RHOBTB1: variants seen among roughly 807,000 people sequenced by gnomAD.
RHOBTB1 encodes rho-related BTB domain-containing protein 1.
Under a neutral mutation model 71.6 loss-of-function variants are expected in RHOBTB1, and 40 were observed. That is an observed-to-expected ratio of 0.56 (90% CI 0.43 to 0.73). The LOEUF is 0.73. RHOBTB1 is among the 30% of genes least tolerant of loss of function. RHOBTB1 has a pLI of 0.00. For missense variants in RHOBTB1, 797 were observed against 894.0 expected, an observed-to-expected ratio of 0.89 and a Z score of 1.38; for synonymous variants, 319 against 334.9, an observed-to-expected ratio of 0.95 and a Z score of 0.52.
At chr10:60,940,374 G>A (rs2084837827) in intron 2 of RHOBTB1, among the ~76,000 whole-genome samples, 2 of 152,136 alleles carry the variant, frequency 1.3e-5, no homozygotes, top group Admixed American at 1.3e-4. Flanking sequence ...GGGAAGTAGG[G>A]GAACAGAAGA....
intron 2 of RHOBTB1, among the ~76,000 whole-genome samples, chr10:60,976,680 T>A (rs2086327430): frequency 6.6e-6 from 1 of 152,050 alleles, no homozygotes; most frequent in Non-Finnish European, 1.5e-5. Context: ...TACCTCATAA[T>A]ATGTTGTCTT....
chr10:60,898,598 C>A (rs2082268215), intron 4 of RHOBTB1, among the ~76,000 whole-genome samples: 1 of 152,106 alleles, frequency 6.6e-6, no homozygotes, highest in Non-Finnish European at 1.5e-5. Context: ...GAGCGCCTGG[C>A]AGGGGATCTG....
chr10:60,993,108 A>G (rs1408199509), intron 1 of RHOBTB1, among the ~76,000 whole-genome samples: 1 of 152,058 alleles, frequency 6.6e-6, no homozygotes, highest in East Asian at 1.9e-4. Context: ...GATGGAGGGG[A>G]CGTGTCTCTC....
chr10:60,972,219 A>T (rs1180598100), intron 2 of RHOBTB1, among the ~76,000 whole-genome samples: 1 of 151,962 alleles, frequency 6.6e-6, no homozygotes, highest in African/African-American at 2.4e-5. Context: ...AAACCATTCT[A>T]CTATAGACAC....
At chr10:60,874,836 G>C in intron 9 of RHOBTB1, 118 bp downstream of exon 9, 1 of 724,502 alleles carries the variant, frequency 1.4e-6, no homozygotes, top group Non-Finnish European at 2.4e-6. Flanking sequence ...TACACAGGGG[G>C]ACTCTGTGAC....
At chr10:60,966,927 C>T (rs182151115) in intron 2 of RHOBTB1, among the ~76,000 whole-genome samples, 159 of 151,430 alleles carry the variant, frequency 1.0e-3, no homozygotes, top group African/African-American at 3.5e-3. Flanking sequence ...AGCAGCACTG[C>T]GCCAGGCACT....
chr10:60,911,276 T>C, intron 3 of RHOBTB1, 75 bp downstream of exon 3: 1 of 1,393,196 alleles, frequency 7.2e-7, no homozygotes. Context: ...TCCACGCTCC[T>C]CCTTTAGAAA....
rs2082191141 is a variant in RHOBTB1, at chr10:60,897,000, A to AG, written c.297-4006dup. Among the ~76,000 whole-genome samples the AG allele has an allele frequency of 4.6e-5, 7 of 152,200 alleles. No individual in the cohort carries two copies. The South Asian group carries it at 1.5e-3, about 32-fold the overall frequency. ...AGCATTTTTTTTCAGTTATCTTTCG[A>AG]GGGGAACACTGGCCAAAGATAGCAT... is the stretch of plus-strand genomic sequence containing the variant. On this transcript the variant is annotated intron_variant, in intron 4 of 10. Transcript: ENST00000337910.
At chr10:61,000,513 C>T (rs2087224082) in intron 1 of RHOBTB1, among the ~76,000 whole-genome samples, 1 of 152,174 alleles carries the variant, frequency 6.6e-6, no homozygotes, top group African/African-American at 2.4e-5. Flanking sequence ...TTCTCTAAAA[C>T]TATACGGTAA....
At chr10:60,970,354 A>G (rs2086111727) in intron 2 of RHOBTB1, among the ~76,000 whole-genome samples, 1 of 152,100 alleles carries the variant, frequency 6.6e-6, no homozygotes, top group South Asian at 2.1e-4. Flanking sequence ...TCAGGTATAT[A>G]AACTCACTAT....
chr10:60,944,419 TG>T (rs2085122585), upstream of RHOBTB1, among the ~76,000 whole-genome samples: 1 of 152,070 alleles, frequency 6.6e-6, no homozygotes, highest in South Asian at 2.1e-4. Flanking sequence ...GGGACACGGG[TG>T]GCAAAGGTTC....
At chr10:60,974,820 T>C (rs1243402114) in intron 2 of RHOBTB1, among the ~76,000 whole-genome samples, 1 of 152,100 alleles carries the variant, frequency 6.6e-6, no homozygotes, top group East Asian at 1.9e-4. Context: ...CTGAGGATAG[T>C]GGTAAACTGA....
At chr10:60,932,209 A>G (rs112848712) in intron 2 of RHOBTB1, among the ~76,000 whole-genome samples, 2 of 152,272 alleles carry the variant, frequency 1.3e-5, no homozygotes, top group African/African-American at 4.8e-5. Context: ...ACGTCTACAC[A>G]TTTTCAGTGA....
chr10:61,000,733 C>A (rs986786621), intron 1 of RHOBTB1, among the ~76,000 whole-genome samples: 1 of 152,032 alleles, frequency 6.6e-6, no homozygotes, highest in African/African-American at 2.4e-5. Flanking sequence ...AATACCAGTT[C>A]AAACTTTGTA....
rs965949764 is a variant in RHOBTB1, at chr10:60,870,158, T to C, written c.*1324A>G. On this transcript the variant is annotated 3_prime_UTR_variant, in exon 11 of 11. Coordinates refer to ENST00000337910, the MANE Select transcript of RHOBTB1 (RefSeq NM_014836.5). ...TCTCTGTGTGTGTATGTGTGTGCTG[T>C]AACATTTTAATTTACAGAGAAGCAA... is the stretch of plus-strand genomic sequence containing the variant. 2.0e-5 allele frequency: 3 copies of C among 152,574 alleles called. No individual in the cohort carries two copies. The highest frequency in any genetic ancestry group is 4.4e-5 in the Non-Finnish European group (3 of 68,036). 9.5% of individuals were successfully genotyped at this position (152,574 alleles called of 1,614,324 possible).
chr10:60,981,225 GAGA>G (rs2086485132), intron 2 of RHOBTB1, among the ~76,000 whole-genome samples: 1 of 152,158 alleles, frequency 6.6e-6, no homozygotes, highest in Admixed American at 6.5e-5. Flanking sequence ...ACAATGAGAA[GAGA>G]AGGCTATAAT....
intron 2 of RHOBTB1, among the ~76,000 whole-genome samples, chr10:60,977,097 A>G (rs2086341573): frequency 6.6e-6 from 1 of 152,092 alleles, no homozygotes; most frequent in African/African-American, 2.4e-5. Context: ...TTTCTAATTA[A>G]ACAAATTCTG....
At position 60,872,267 on chromosome 10, in the gene RHOBTB1, G is replaced by A. The variant is rs2080829715; in HGVS notation, c.1839C>T (p.Ala613=). 2.5e-6 allele frequency: 4 copies of A among 1,613,998 alleles called. No individual in the cohort carries two copies. The highest frequency in any genetic ancestry group is 3.4e-6 in the Non-Finnish European group (4 of 1,179,912). Residue 613 remains alanine, a synonymous_variant, in exon 10 of 11, where the codon GCC becomes GCT. Coordinates refer to ENST00000337910, the MANE Select transcript of RHOBTB1 (RefSeq NM_014836.5). ...TGCAGATGTGGTGCAAACACCAGGC[G>A]GCCAACTGGTGGGCATTGTGAAACT... ...LAQFHNAHQL[A]AWCLHHICTN...
chr10:60,961,889 A>G (rs1589424147), intron 2 of RHOBTB1, among the ~76,000 whole-genome samples: 1 of 149,928 alleles, frequency 6.7e-6, no homozygotes, highest in South Asian at 2.1e-4. Flanking sequence ...GCTCACTGCA[A>G]CCTCCGCTCC....
Sources: gnomAD v4.1 joint callset for allele counts (sites outside exome capture counted in the v4.1 genomes callset) on GRCh38, gnomAD v4.1.1 for gene constraint, MANE v1.5 for transcripts, NCBI Gene and HGNC (gene_info 2026-07-23, HGNC 2026-07-21) for gene names.